NPIPB2: variants seen among roughly 807,000 people sequenced by gnomAD.
NPIPB2 encodes nuclear pore complex-interacting protein family member B2.
A neutral mutation model predicts 30.8 loss-of-function variants in NPIPB2; 27 were observed. The observed-to-expected ratio is 0.88, with a 90% CI of 0.65 to 1.21. The LOEUF (loss-of-function observed/expected upper bound fraction) is 1.21. Ranked by LOEUF, NPIPB2 falls within the 50% of genes most tolerant of loss-of-function variation. The pLI, the probability that NPIPB2 is intolerant of heterozygous loss-of-function variation, is 0.00. For synonymous variants in NPIPB2, 147 were observed against 162.0 expected, an observed-to-expected ratio of 0.91 and a Z score of 0.70; for missense variants, 440 against 446.2, an observed-to-expected ratio of 0.99 and a Z score of 0.13.
chr16:11,971,753 G>C (rs534081855), intron 1 of NPIPB2, among the ~76,000 whole-genome samples: 226 of 152,058 alleles, frequency 1.5e-3, no homozygotes, highest in African/African-American at 5.3e-3. Context: ...CCTCAGCCTC[G>C]CAAAGTGCTG....
intron 1 of NPIPB2, among the ~76,000 whole-genome samples, chr16:11,959,066 G>C (rs1237469575): frequency 6.6e-6 from 1 of 152,184 alleles, no homozygotes; most frequent in Non-Finnish European, 1.5e-5. Context: ...TTTGGTGCTG[G>C]GGCTCGGGCC....
intron 4 of NPIPB2, among the ~76,000 whole-genome samples, 159 bp from the exon 5 acceptor site, chr16:11,930,710 A>C (rs2054780114): frequency 1.6e-5 from 2 of 126,828 alleles, no homozygotes; most frequent in East Asian, 2.2e-4. Flanking sequence ...GAGAATTGAC[A>C]CCTCCCATTG....
At chr16:11,933,185 CA>C (rs1430815673) in intron 4 of NPIPB2, among the ~76,000 whole-genome samples, 1 of 150,916 alleles carries the variant, frequency 6.6e-6, no homozygotes, top group Non-Finnish European at 1.5e-5. Context: ...TGCTTGAACC[CA>C]AAAGGCAGTG....
At chr16:11,952,123 A>C (rs1433843804) in intron 1 of NPIPB2, among the ~76,000 whole-genome samples, 1 of 145,354 alleles carries the variant, frequency 6.9e-6, no homozygotes, top group East Asian at 2.1e-4. Context: ...ATTGCACTCC[A>C]GCCTGGGCGA....
At chr16:11,968,117 A>C in intron 1 of NPIPB2, 1 of 333,712 alleles carries the variant, frequency 3.0e-6, no homozygotes, top group Non-Finnish European at 5.6e-6. Context: ...CATGTATACC[A>C]GTGTGGGGGG....
At chr16:11,945,677 T>TA (rs999372966), upstream of NPIPB2, among the ~76,000 whole-genome samples, 661 of 145,502 alleles carry the variant, frequency 4.5e-3, 4 homozygotes, top group African/African-American at 0.016. Context: ...GACTCTGTCT[T>TA]AAAAAAAAAA....
chr16:11,937,046 C>G (rs1056668398), intron 2 of NPIPB2, among the ~76,000 whole-genome samples: 1 of 151,956 alleles, frequency 6.6e-6, no homozygotes, highest in Non-Finnish European at 1.5e-5. Context: ...AGAGGGTGCT[C>G]TTTAAGCATC....
chr16:11,930,017 T>C (rs2054770361), intron 5 of NPIPB2, among the ~76,000 whole-genome samples: 2 of 137,908 alleles, frequency 1.5e-5, no homozygotes, highest in South Asian at 2.6e-4. Context: ...TCATCCTTCA[T>C]TGAGCATCTT....
chr16:11,952,642 G>A (rs1033557794), intron 1 of NPIPB2, among the ~76,000 whole-genome samples: 2 of 148,314 alleles, frequency 1.3e-5, no homozygotes, highest in African/African-American at 5.0e-5. Context: ...TCGGCTCACT[G>A]CAACCTCTGC....
intron 1 of NPIPB2, among the ~76,000 whole-genome samples, chr16:11,971,371 A>C (rs756697365): frequency 4.3e-5 from 6 of 141,126 alleles, no homozygotes; most frequent in Non-Finnish European, 7.6e-5. Context: ...AAAAAGCATC[A>C]GTCAATACAT....
chr16:11,967,439 G>A, intron 1 of NPIPB2: 1 of 926,266 alleles, frequency 1.1e-6, no homozygotes, highest in Non-Finnish European at 1.6e-6. Flanking sequence ...GGGCAACACA[G>A]TAAGACCCCA....
At chr16:11,951,422 C>T (rs1037291114) in intron 1 of NPIPB2, among the ~76,000 whole-genome samples, 5 of 127,092 alleles carry the variant, frequency 3.9e-5, no homozygotes, top group Admixed American at 2.8e-4. Flanking sequence ...CGAGATCATG[C>T]CACTGCACTC....
intron 1 of NPIPB2, among the ~76,000 whole-genome samples, chr16:11,961,062 C>T (rs1436059977): frequency 2.6e-5 from 4 of 152,004 alleles, no homozygotes; most frequent in African/African-American, 4.8e-5. Flanking sequence ...TGGGTTTCAC[C>T]ATGTTGGCCA....
At chr16:11,973,988 T>C (rs1272650657) in intron 1 of NPIPB2, among the ~76,000 whole-genome samples, 1 of 152,176 alleles carries the variant, frequency 6.6e-6, no homozygotes, top group Non-Finnish European at 1.5e-5. Flanking sequence ...CTTTATCTTG[T>C]GAAAGCATTT....
intron 4 of NPIPB2, among the ~76,000 whole-genome samples, chr16:11,932,819 A>C (rs947073919): frequency 7.5e-6 from 1 of 133,152 alleles, no homozygotes; most frequent in East Asian, 2.2e-4. Flanking sequence ...AAATTGGCCA[A>C]ATGTGGTGGC....
chr16:11,933,127 G>A (rs1438897640), intron 4 of NPIPB2, among the ~76,000 whole-genome samples: 1 of 151,878 alleles, frequency 6.6e-6, no homozygotes, highest in Non-Finnish European at 1.5e-5. Context: ...TGGGCGTGGT[G>A]GTGGGCACCT....
chr16:11,967,430 G>A (rs2055203553), intron 1 of NPIPB2: 13 of 834,180 alleles, frequency 1.6e-5, no homozygotes, highest in Non-Finnish European at 2.2e-5. Context: ...ATGCAGCCTG[G>A]GCAACACAGT....
intron 1 of NPIPB2, among the ~76,000 whole-genome samples, chr16:11,959,540 T>C (rs2055139000): frequency 6.6e-6 from 1 of 151,860 alleles, no homozygotes. Flanking sequence ...CAGTGAGCTG[T>C]GATCACCCAA....
At chr16:11,958,933 C>A (rs1380636736) in intron 1 of NPIPB2, among the ~76,000 whole-genome samples, 1 of 152,032 alleles carries the variant, frequency 6.6e-6, no homozygotes, top group African/African-American at 2.4e-5. Flanking sequence ...GAGGAGTCAC[C>A]AACCAGTGGA....
Sources: allele counts gnomAD v4.1 joint callset (sites outside exome capture counted in the v4.1 genomes callset), GRCh38; gene constraint gnomAD v4.1.1; transcripts MANE v1.5; gene names NCBI Gene and HGNC (gene_info 2026-07-23, HGNC 2026-07-21).